Variants in FAM114A1 observed in about 807,000 individuals in gnomAD.
The protein encoded by FAM114A1 is family with sequence similarity 114 member A1.
A neutral mutation model predicts 64.3 loss-of-function variants in FAM114A1; 62 were observed. That is an observed-to-expected ratio of 0.96 (90% confidence interval 0.79 to 1.19). FAM114A1 has a LOEUF of 1.19. FAM114A1 is among the 50% of genes most tolerant of loss of function. The probability of loss-of-function intolerance (pLI) is 0.00; values close to 1 mark genes in which losing one functional copy is unlikely to be tolerated. For synonymous variants in FAM114A1, 254 were observed against 251.1 expected, an observed-to-expected ratio of 1.01 and a Z score of -0.11; for missense variants, 645 against 676.3, an observed-to-expected ratio of 0.95 and a Z score of 0.51.
intron 4 of FAM114A1, among the ~76,000 whole-genome samples, chr4:38,898,634 C>A (rs1283560970): frequency 6.6e-6 from 1 of 152,174 alleles, no homozygotes; most frequent in African/African-American, 2.4e-5. Context: ...GACTTCTGGG[C>A]AAATATCATC....
chr4:38,905,576 G>T lies in FAM114A1; in HGVS notation c.491G>T (p.Gly164Val), dbSNP rs762187696. The T allele has an allele frequency of 6.2e-7, 1 of 1,614,176 alleles. No homozygotes were observed. Among genetic ancestry groups the T allele is most frequent in the Non-Finnish European group, 8.5e-7 (1 of 1,180,036 alleles). The change falls in exon 5 of 15, where the codon GGT becomes GTT. Residue 164 changes from glycine (G) to valine (V), a missense_variant. Gly to Val is a moderately radical substitution (Grantham distance 109). Transcript: ENST00000358869. ...GCAGGAGCCACTCTACGGATTCATG[G>T]TGTAAATTCTGGATCTTCTGAAGGA... ...EKAGATLRIHGVNSGSSEGAQ... is the reference protein window; with the variant it reads ...EKAGATLRIHVVNSGSSEGAQ...
intron 3 of FAM114A1, among the ~76,000 whole-genome samples, chr4:38,880,858 G>A (rs1243694998): frequency 6.6e-6 from 1 of 152,128 alleles, no homozygotes; most frequent in East Asian, 1.9e-4. Context: ...TCCAATTTCA[G>A]ACATAATAAT....
At chr4:38,895,256 G>A (rs559577175) in intron 4 of FAM114A1, among the ~76,000 whole-genome samples, 1 of 152,338 alleles carries the variant, frequency 6.6e-6, no homozygotes, top group African/African-American at 2.4e-5. Context: ...TTTTGAAGTT[G>A]TAGGACTGAG....
chr4:38,932,990 A>G (rs1202232749), intron 12 of FAM114A1, among the ~76,000 whole-genome samples: 2 of 151,602 alleles, frequency 1.3e-5, no homozygotes, highest in Non-Finnish European at 2.9e-5. Flanking sequence ...AGTAGCTGGG[A>G]TTACAGGTGC....
chr4:38,882,753 G>GTGT (rs777957589), intron 3 of FAM114A1, among the ~76,000 whole-genome samples: 66 of 48,578 alleles, frequency 1.4e-3, no homozygotes, highest in Admixed American at 0.011. Flanking sequence ...ATGTGTGTGT[G>GTGT]GTGTGTATGT....
intron 8 of FAM114A1, 79 bp downstream of exon 8, chr4:38,915,152 A>C: frequency 6.5e-7 from 1 of 1,545,132 alleles, no homozygotes; most frequent in Non-Finnish European, 8.8e-7. Context: ...AAAATCTGCC[A>C]TTAAAAGATC....
intron 6 of FAM114A1, among the ~76,000 whole-genome samples, chr4:38,907,183 T>G (rs1415733944): frequency 6.6e-6 from 1 of 152,060 alleles, no homozygotes; most frequent in Non-Finnish European, 1.5e-5. Context: ...GTGGGGGAAG[T>G]AAGGAGGAGC....
intron 6 of FAM114A1, among the ~76,000 whole-genome samples, chr4:38,906,083 G>T (rs1017049317): frequency 1.3e-5 from 2 of 152,146 alleles, no homozygotes; most frequent in African/African-American, 2.4e-5. Flanking sequence ...AAAGAAGGGA[G>T]CTGTTTGGAA....
rs771241693 is a variant in FAM114A1 at position 38,943,533 on chromosome 4, C to A, written c.1668C>A (p.Thr556=). Residue 556 remains threonine, a synonymous_variant, in exon 15 of 15, where the codon ACC becomes ACA. Coordinates refer to ENST00000358869, the MANE Select transcript of FAM114A1 (RefSeq NM_138389.4). ...LPVLQVSHIQ[T]SCLKAQP ...TTCTGCAGGTCTCACATATCCAGAC[C>A]AGTTGTTTGAAAGCACAGCCGTGAC... The A allele has an allele frequency of 1.1e-5, 18 of 1,613,850 alleles. No homozygotes were observed. In the African/African-American group the frequency reaches 2.1e-4, roughly 19 times the overall value.
intron 12 of FAM114A1, among the ~76,000 whole-genome samples, chr4:38,933,781 G>C (rs1179853693): frequency 6.6e-6 from 1 of 152,130 alleles, no homozygotes; most frequent in Non-Finnish European, 1.5e-5. Flanking sequence ...AGCCAAAATA[G>C]AGCCCCTGAA....
At chr4:38,872,116 A>G (rs1215935350) in intron 2 of FAM114A1, among the ~76,000 whole-genome samples, 1 of 152,214 alleles carries the variant, frequency 6.6e-6, no homozygotes, top group Non-Finnish European at 1.5e-5. Context: ...TATGCTAATT[A>G]GCATACCCTG....
chr4:38,872,037 AT>A (rs1307164189), intron 2 of FAM114A1, among the ~76,000 whole-genome samples: 3 of 152,160 alleles, frequency 2.0e-5, no homozygotes, highest in Non-Finnish European at 4.4e-5. Context: ...CCTGTACGTT[AT>A]TTCTTGTCGA....
intron 7 of FAM114A1, among the ~76,000 whole-genome samples, chr4:38,911,854 CTTTTT>C (rs1560313013): frequency 1.1e-5 from 1 of 94,436 alleles, no homozygotes; most frequent in Non-Finnish European, 2.1e-5. Context: ...CTTTTTTTTT[CTTTTT>C]TCTTTTTTTT....
rs760890062 is a variant in FAM114A1 at position 38,943,428 on chromosome 4, C to A, written c.1591-28C>A. On this transcript the variant is annotated intron_variant, in intron 14 of 14. Transcript: ENST00000358869. ...TCAAGGTTGAACTATGAAAATAACCCTTCAACCTCATTTTTCTCCTCTCAC... is the reference window on the plus strand; with the variant it reads ...TCAAGGTTGAACTATGAAAATAACCATTCAACCTCATTTTTCTCCTCTCAC... 3 of 1,589,032 alleles carry A rather than the reference C, an allele frequency of 1.9e-6. No homozygotes were observed. The South Asian group carries it at 3.3e-5, about 18-fold the overall frequency.
intron 3 of FAM114A1, among the ~76,000 whole-genome samples, chr4:38,889,697 A>G (rs1414327763): frequency 6.6e-6 from 1 of 152,204 alleles, no homozygotes; most frequent in Non-Finnish European, 1.5e-5. Flanking sequence ...CAAGCAATTT[A>G]ACTTCCATAA....
chr4:38,890,775 G>A (rs924559937), intron 3 of FAM114A1, among the ~76,000 whole-genome samples: 17 of 152,108 alleles, frequency 1.1e-4, no homozygotes, highest in African/African-American at 3.9e-4. Flanking sequence ...TATTTATTAA[G>A]CATTCATTAT....
At chr4:38,913,290 G>T (rs1718733881) in intron 7 of FAM114A1, among the ~76,000 whole-genome samples, 1 of 152,182 alleles carries the variant, frequency 6.6e-6, no homozygotes, top group Non-Finnish European at 1.5e-5. Context: ...TTGTCTTTTT[G>T]CTTAACCAAC....
At chr4:38,939,091 G>A (rs1247605995) in intron 13 of FAM114A1, among the ~76,000 whole-genome samples, 4 of 152,178 alleles carry the variant, frequency 2.6e-5, no homozygotes, top group African/African-American at 9.7e-5. Context: ...TAAGCAGTCA[G>A]GTGATGACAA....
chr4:38,893,999 C>T (rs1030038730), intron 4 of FAM114A1, among the ~76,000 whole-genome samples: 2 of 151,912 alleles, frequency 1.3e-5, no homozygotes, highest in Non-Finnish European at 2.9e-5. Context: ...CCCATCTCTA[C>T]TAAAAATACA....
Sources: gnomAD v4.1 joint callset for allele counts (sites outside exome capture counted in the v4.1 genomes callset) on GRCh38, gnomAD v4.1.1 for gene constraint, MANE v1.5 for transcripts, NCBI Gene and HGNC (gene_info 2026-07-23, HGNC 2026-07-21) for gene names.